The following RIPPLY3 variants were observed in gnomAD, a reference collection of about 807,000 sequenced individuals.
The protein encoded by RIPPLY3 is protein ripply3.
A neutral mutation model predicts 11.9 loss-of-function variants in RIPPLY3; 8 were observed. The ratio of observed to expected loss-of-function variants is 0.67; its 90% CI spans 0.40 to 1.21. The LOEUF (loss-of-function observed/expected upper bound fraction) is 1.21. Ranked by LOEUF, RIPPLY3 falls within the 50% of genes most tolerant of loss-of-function variation. The pLI, the probability that RIPPLY3 is intolerant of heterozygous loss-of-function variation, is 0.01. For synonymous variants in RIPPLY3, 102 were observed against 99.0 expected (o/e 1.03, Z -0.18); for missense variants, 271 against 246.0 (o/e 1.10, Z -0.68).
intron 2 of RIPPLY3, among the ~76,000 whole-genome samples, chr21:37,010,023 A>G (rs1984354): frequency 0.31 from 46,520 of 152,088 alleles, 7,528 homozygotes; most frequent in South Asian, 0.42. Flanking sequence ...TGCCCAGCGC[A>G]GGGAAGGAAC....
intron 3 of RIPPLY3, 71 bp from the exon 4 acceptor site, chr21:37,017,803 A>C: frequency 7.6e-7 from 1 of 1,310,142 alleles, no homozygotes; most frequent in African/African-American, 1.5e-5. Context: ...TTCTGGGAAA[A>C]AGCACCCTCT....
At chr21:37,007,780 G>A (rs1047418194) in intron 1 of RIPPLY3, among the ~76,000 whole-genome samples, 8 of 152,028 alleles carry the variant, frequency 5.3e-5, no homozygotes, top group Non-Finnish European at 8.8e-5. Flanking sequence ...ATCTCCTTCC[G>A]TGACCAAGGT....
chr21:37,012,760 A>G (rs572696261), intron 2 of RIPPLY3, among the ~76,000 whole-genome samples: 1 of 152,072 alleles, frequency 6.6e-6, no homozygotes, highest in South Asian at 2.1e-4. Context: ...TATTCCAGGC[A>G]TATGTCACCG....
rs371598752 is a variant in RIPPLY3, at chr21:37,017,974, G to A, written c.340G>A (p.Asp114Asn). 1.3e-5 allele frequency: 21 copies of A among 1,614,036 alleles called. No individual in the cohort carries two copies. The highest frequency in any genetic ancestry group is 8.9e-5 in the East Asian group (4 of 44,898). ...PVQATIDFYD[D>N]ESTESASEAE... ...GCAAGCCACGATTGACTTCTACGAC[G>A]ATGAGTCTACTGAGTCTGCTTCCGA... is the stretch of plus-strand genomic sequence containing the variant. Residue 114 changes from aspartate to asparagine, a missense_variant, in exon 4 of 4, where the codon GAT becomes AAT. Transcript: ENST00000329553.
rs1341205561 is a variant in RIPPLY3 at position 37,006,808 on chromosome 21, G to C, written c.36G>C (p.Ala12=). 3 of 1,230,584 alleles carry C rather than the reference G, an allele frequency of 2.4e-6. No homozygotes were observed. Among genetic ancestry groups the C allele is most frequent in the Admixed American group, 8.5e-5 (2 of 23,464 alleles). 76.2% of individuals were successfully genotyped at this position (1,230,584 alleles called of 1,614,324 possible). A position where few individuals can be genotyped will look rare whatever the true frequency, so the allele number is the denominator to read the frequency against. Residue 12 remains alanine (A), a synonymous_variant, in exon 1 of 4, where the codon GCG becomes GCC. Coordinates refer to ENST00000329553, the MANE Select transcript of RIPPLY3 (RefSeq NM_018962.3). The surrounding 1 kb of genome is among the most constrained non-coding windows in gnomAD (Gnocchi z 5.2). ...AAGCGGCGGCCGGAGCCCGGAAGGC[G>C]CGGGGGCGCGGCTGTCACTGCCCCG... ...EPEAAAGARK[A]RGRGCHCPGD... is the part of the protein sequence containing the mutation.
chr21:37,015,365 T>C (rs973203828), intron 3 of RIPPLY3, among the ~76,000 whole-genome samples: 6 of 152,174 alleles, frequency 3.9e-5, no homozygotes, highest in Non-Finnish European at 8.8e-5. Flanking sequence ...GGTTTCACCA[T>C]GTTGGCCAGG....
chr21:37,007,400 C>CTTTTTTTTTTTTTTTT lies in RIPPLY3; in HGVS notation c.104+535_104+550dup, dbSNP rs895853940. The stretch of plus-strand genomic sequence containing the variant: ...TAGCCAGGCAGGAGAAAGATTCCCT[C>CTTTTTTTTTTTTTTTT]TTTTTTTTTTTTTTTTTTTTTTTTT... On this transcript the variant is annotated intron_variant, in intron 1 of 3. Transcript: ENST00000329553. 4.6e-4 allele frequency among the ~76,000 whole-genome samples: 40 copies of CTTTTTTTTTTTTTTTT among 86,296 alleles called. 5 individuals carry two copies. The highest frequency in any genetic ancestry group is 2.0e-3 in the African/African-American group (39 of 19,894). The allele number at this position is 86,296 out of a possible 152,430, so 56.6% of individuals were successfully genotyped here.
chr21:37,016,232 G>A (rs1423444719), intron 3 of RIPPLY3, among the ~76,000 whole-genome samples: 4 of 151,830 alleles, frequency 2.6e-5, no homozygotes, highest in Admixed American at 6.6e-5. Context: ...CCTGGGCCTC[G>A]TAGGGTGTTT....
intron 2 of RIPPLY3, 50 bp downstream of exon 2, chr21:37,008,273 C>CAT (rs757630926): frequency 6.3e-7 from 1 of 1,593,390 alleles, no homozygotes; most frequent in Admixed American, 1.7e-5. Flanking sequence ...CAGAAAGTGG[C>CAT]ATCGTCTTTT....
Position 37,006,787 on chromosome 21 carries a change from G to A in RIPPLY3, c.15G>A (p.Ala5=). The A allele has an allele frequency of 8.1e-7, 1 of 1,232,540 alleles. No individual in the cohort carries two copies. Among genetic ancestry groups the A allele is most frequent in the Non-Finnish European group, 1.0e-6 (1 of 988,584 alleles). 76.4% of individuals were successfully genotyped at this position (1,232,540 alleles called of 1,614,324 possible). ...CCGCCGGCACCATGGAGCCCGAAGC[G>A]GCGGCCGGAGCCCGGAAGGCGCGGG... is the stretch of plus-strand genomic sequence containing the variant. MEPE[A]AAGARKARGR... Residue 5 remains alanine, a synonymous_variant, in exon 1 of 4, where the codon GCG becomes GCA. Coordinates refer to ENST00000329553, the MANE Select transcript of RIPPLY3 (RefSeq NM_018962.3). This position sits in a 1 kb window ranked among gnomAD's most constrained non-coding sequence, Gnocchi z 5.2.
At chr21:37,015,507 A>G (rs1172066587) in intron 3 of RIPPLY3, among the ~76,000 whole-genome samples, 1 of 152,188 alleles carries the variant, frequency 6.6e-6, no homozygotes, top group African/African-American at 2.4e-5. Context: ...TGTGACTGAC[A>G]AAGCATGAGC....
rs563496684 is a variant in RIPPLY3 at position 37,007,799 on chromosome 21, T to G, written c.105-358T>G. On this transcript the variant is annotated intron_variant, in intron 1 of 3. Transcript: ENST00000329553. ...CCTTCCGTGACCAAGGTGGTGTGAT[T>G]GAAATTAACCGGGGACAAAGTAGAC... Among the ~76,000 whole-genome samples the G allele has an allele frequency of 4.6e-5, 7 of 152,276 alleles. No individual in the cohort carries two copies. The East Asian group carries it at 1.3e-3, about 29-fold the overall frequency.
chr21:37,011,312 A>G (rs1002433668), intron 2 of RIPPLY3, among the ~76,000 whole-genome samples: 1 of 152,178 alleles, frequency 6.6e-6, no homozygotes, highest in African/African-American at 2.4e-5. Context: ...CCTGCCTGGC[A>G]TAAAACTTTT....
rs2081918944 is a variant in RIPPLY3 at position 37,016,974 on chromosome 21, G to A, written c.240-900G>A. On this transcript the variant is annotated intron_variant, in intron 3 of 3. Coordinates refer to ENST00000329553, the MANE Select transcript of RIPPLY3 (RefSeq NM_018962.3). ...AGTTCGAGACCAGCCTGACCAACAT[G>A]GTGAAACTCCGTCTCTACTAAATAC... Among the ~76,000 whole-genome samples the A allele has an allele frequency of 2.6e-5, 4 of 152,018 alleles. No homozygotes were observed. In the South Asian group the frequency reaches 8.3e-4, roughly 32 times the overall value.
intron 2 of RIPPLY3, among the ~76,000 whole-genome samples, chr21:37,012,893 G>T (rs2069540441): frequency 1.5e-5 from 2 of 137,314 alleles, no homozygotes; most frequent in Non-Finnish European, 3.1e-5. Flanking sequence ...GAGACGGAGT[G>T]TCGCTCTGTC....
chr21:37,009,255 C>G (rs1389230943), intron 2 of RIPPLY3, among the ~76,000 whole-genome samples: 1 of 148,172 alleles, frequency 6.7e-6, no homozygotes, highest in Non-Finnish European at 1.5e-5. Context: ...TTTGATGACT[C>G]TTAAAACACT....
At chr21:37,010,019 G>T (rs962977715) in intron 2 of RIPPLY3, among the ~76,000 whole-genome samples, 4 of 152,200 alleles carry the variant, frequency 2.6e-5, no homozygotes, top group African/African-American at 9.6e-5. Context: ...GAGCTGCCCA[G>T]CGCAGGGAAG....
At position 37,006,817 on chromosome 21, in the gene RIPPLY3, C is replaced by T. The variant is rs1002678521; in HGVS notation, c.45C>T (p.Arg15=). The T allele has an allele frequency of 2.4e-6, 3 of 1,229,870 alleles. No homozygotes were observed. Among genetic ancestry groups the T allele is most frequent in the South Asian group, 3.9e-5 (1 of 25,624 alleles). 76.2% of individuals were successfully genotyped at this position (1,229,870 alleles called of 1,614,324 possible). A position where few individuals can be genotyped will look rare whatever the true frequency, so the allele number is the denominator to read the frequency against. Residue 15 remains arginine, a synonymous_variant, in exon 1 of 4, where the codon CGC becomes CGT. Transcript: ENST00000329553. The surrounding 1 kb of genome is among the most constrained non-coding windows in gnomAD (Gnocchi z 5.2). The stretch of plus-strand genomic sequence containing the variant: ...CCGGAGCCCGGAAGGCGCGGGGGCG[C>T]GGCTGTCACTGCCCCGGGGACGCTC... ...AAAGARKARG[R]GCHCPGDAPW...
At chr21:37,008,339 C>T in intron 2 of RIPPLY3, 116 bp downstream of exon 2, 1 of 1,013,154 alleles carries the variant, frequency 9.9e-7, no homozygotes, top group Non-Finnish European at 1.5e-6. Flanking sequence ...GGGCGTCTAA[C>T]CCAGGAGCGC....
Sources: gnomAD v4.1 joint callset for allele counts (sites outside exome capture counted in the v4.1 genomes callset) on GRCh38, gnomAD v4.1.1 for gene constraint, Gnocchi (gnomAD v3.1) non-coding constraint, MANE v1.5 for transcripts, NCBI Gene and HGNC (gene_info 2026-07-23, HGNC 2026-07-21) for gene names.